The following ATP8A2 variants were observed in gnomAD, a reference collection of about 807,000 sequenced individuals.
ATP8A2 encodes phospholipid-transporting ATPase IB.
A neutral mutation model predicts 165.6 loss-of-function variants in ATP8A2; 100 were observed. The observed-to-expected ratio is 0.60, with a 90% CI of 0.51 to 0.71. ATP8A2 has a LOEUF of 0.71. Among genes scored for constraint, ATP8A2 ranks in the 30% least tolerant of loss-of-function variants. The pLI, the probability that ATP8A2 is intolerant of heterozygous loss-of-function variation, is 0.00. For missense variants in ATP8A2, 1,227 were observed against 1,479.5 expected, an observed-to-expected ratio of 0.83 and a Z score of 2.80; for synonymous variants, 543 against 548.8, an observed-to-expected ratio of 0.99 and a Z score of 0.15.
At chr13:25,863,411 GGCAGCTGTTTTCAAGGGTGT>G (rs1192083222) in intron 33 of ATP8A2, 2 of 152,140 alleles carry the variant, frequency 1.3e-5, no homozygotes, top group Non-Finnish European at 2.9e-5. Context: ...GGGCCAAAGG[GGCAGCTGTTTTCAAGGGTGT>G]GCACTGAGTA....
At chr13:25,682,211 C>T (rs2042504367) in intron 24 of ATP8A2, among the ~76,000 whole-genome samples, 1 of 152,150 alleles carries the variant, frequency 6.6e-6, no homozygotes, top group Admixed American at 6.5e-5. Flanking sequence ...CTGTTAGCCG[C>T]ACTCCATTGC....
At chr13:25,590,473 A>T (rs1390609454) in intron 24 of ATP8A2, among the ~76,000 whole-genome samples, 1 of 152,214 alleles carries the variant, frequency 6.6e-6, no homozygotes, top group Non-Finnish European at 1.5e-5. Context: ...TGTATACTTA[A>T]TTCTCTGATG....
chr13:25,413,577 T>A (rs569250988), intron 1 of ATP8A2, among the ~76,000 whole-genome samples: 20 of 152,320 alleles, frequency 1.3e-4, no homozygotes, highest in Non-Finnish European at 2.1e-4. Context: ...CAACCTTAAT[T>A]GATAATGAGA....
intron 30 of ATP8A2, among the ~76,000 whole-genome samples, chr13:25,854,914 T>C (rs1353638016): frequency 6.6e-6 from 1 of 152,124 alleles, no homozygotes; most frequent in Non-Finnish European, 1.5e-5. Context: ...CAATACATTA[T>C]AGAACATTTT....
chr13:25,803,014 A>AT (rs370514025), intron 27 of ATP8A2, among the ~76,000 whole-genome samples: 8 of 149,778 alleles, frequency 5.3e-5, no homozygotes, highest in Non-Finnish European at 7.4e-5. Flanking sequence ...AAACTGGAGA[A>AT]TTTTTTTTTT....
chr13:25,704,111 T>C (rs771752732), intron 25 of ATP8A2, among the ~76,000 whole-genome samples: 11 of 152,324 alleles, frequency 7.2e-5, no homozygotes, highest in Non-Finnish European at 1.2e-4. Context: ...TTAAATGAAA[T>C]GTTTGTGGAA....
intron 25 of ATP8A2, among the ~76,000 whole-genome samples, chr13:25,709,851 C>T (rs375705631): frequency 6.6e-6 from 1 of 151,950 alleles, no homozygotes; most frequent in South Asian, 2.1e-4. Context: ...ATAATGAATG[C>T]AATTAAGGGC....
intron 25 of ATP8A2, among the ~76,000 whole-genome samples, chr13:25,743,168 A>C (rs1291228132): frequency 6.6e-6 from 1 of 152,122 alleles, no homozygotes; most frequent in Non-Finnish European, 1.5e-5. Flanking sequence ...ATTTGGACAC[A>C]GGCACACAGG....
At chr13:25,561,247 T>C (rs2039144911) in intron 15 of ATP8A2, among the ~76,000 whole-genome samples, 1 of 152,164 alleles carries the variant, frequency 6.6e-6, no homozygotes, top group African/African-American at 2.4e-5. Flanking sequence ...CTTTGTATTA[T>C]TTCTGTGATA....
At chr13:25,928,441 A>T (rs1050345238) in intron 33 of ATP8A2, among the ~76,000 whole-genome samples, 3 of 152,208 alleles carry the variant, frequency 2.0e-5, no homozygotes, top group Admixed American at 1.3e-4. Flanking sequence ...CCTCTCTAAA[A>T]TTAGCTCAGC....
At position 25,789,350 on chromosome 13, in the gene ATP8A2, C is replaced by A. The variant is rs577537596; in HGVS notation, c.2679+14391C>A. On this transcript the variant is annotated intron_variant, in intron 27 of 36. Transcript: ENST00000381655. ...ATAAAACTCTAGTGTTTAAACAAAA[C>A]AAAACCAGAAAACCCCACTACTGAT... Among the ~76,000 whole-genome samples, 39 of 152,126 alleles carry A rather than the reference C, an allele frequency of 2.6e-4. 1 individual carries two copies. In the South Asian group the frequency reaches 7.9e-3, roughly 31 times the overall value.
intron 2 of ATP8A2, among the ~76,000 whole-genome samples, chr13:25,488,099 G>C (rs569118658): frequency 3.3e-5 from 5 of 152,160 alleles, no homozygotes; most frequent in Admixed American, 1.3e-4. Flanking sequence ...CGTGGATATC[G>C]TATATCCCTT....
chr13:25,656,277 A>T (rs943529877), intron 24 of ATP8A2, among the ~76,000 whole-genome samples: 5 of 150,276 alleles, frequency 3.3e-5, no homozygotes, highest in Non-Finnish European at 7.4e-5. Context: ...TTAAAGTTGG[A>T]TTTTTTTTTG....
chr13:25,578,659 A>G (rs974338081), intron 20 of ATP8A2, among the ~76,000 whole-genome samples, 156 bp from the exon 21 acceptor site: 3 of 152,196 alleles, frequency 2.0e-5, no homozygotes, highest in African/African-American at 7.2e-5. Context: ...TTGTTTTCCA[A>G]AGCTCATGCC....
chr13:25,514,526 G>A (rs765621850), intron 2 of ATP8A2, among the ~76,000 whole-genome samples: 4 of 152,180 alleles, frequency 2.6e-5, no homozygotes, highest in African/African-American at 9.7e-5. Flanking sequence ...GGTTTGTGTG[G>A]GTGCCCTGGG....
At chr13:25,857,565 T>C (rs796649373) in intron 30 of ATP8A2, among the ~76,000 whole-genome samples, 2 of 142,326 alleles carry the variant, frequency 1.4e-5, no homozygotes, top group Non-Finnish European at 3.0e-5. Context: ...CTTTTCTTTT[T>C]TTTCCTTTTT....
At chr13:25,601,700 A>G (rs2040391931) in intron 24 of ATP8A2, among the ~76,000 whole-genome samples, 1 of 152,078 alleles carries the variant, frequency 6.6e-6, no homozygotes, top group African/African-American at 2.4e-5. Flanking sequence ...GTCGAACTGA[A>G]CTCAAGTGAT....
chr13:25,682,748 A>G (rs1566043267), intron 24 of ATP8A2, among the ~76,000 whole-genome samples: 1 of 152,168 alleles, frequency 6.6e-6, no homozygotes, highest in Non-Finnish European at 1.5e-5. Flanking sequence ...GTTTACAACA[A>G]CATTAAAGCA....
chr13:25,983,998 C>T (rs999234414), intron 35 of ATP8A2, among the ~76,000 whole-genome samples: 1 of 151,756 alleles, frequency 6.6e-6, no homozygotes, highest in Non-Finnish European at 1.5e-5. Flanking sequence ...TTTGGGAGGC[C>T]GAGGCAGGAG....
Sources: gnomAD v4.1 joint callset for allele counts (sites outside exome capture counted in the v4.1 genomes callset) on GRCh38, gnomAD v4.1.1 for gene constraint, MANE v1.5 for transcripts, NCBI Gene and HGNC (gene_info 2026-07-23, HGNC 2026-07-21) for gene names.